Variants in AK5 observed in about 807,000 individuals in gnomAD.
The protein encoded by AK5 is adenylate kinase isoenzyme 5.
In AK5, 27 loss-of-function variants were observed where a neutral mutation model predicts 69.5. The ratio of observed to expected loss-of-function variants is 0.39; its 90% CI spans 0.29 to 0.54. The LOEUF (loss-of-function observed/expected upper bound fraction) is 0.54. Ranked by LOEUF, AK5 falls within the 20% of genes least tolerant of loss-of-function variation. AK5 has a pLI of 0.71. For missense variants in AK5, 531 were observed against 700.4 expected (o/e 0.76, Z 2.73); for synonymous variants, 260 against 244.4 (o/e 1.06, Z -0.60).
chr1:77,443,701 G>A (rs1652480035), intron 8 of AK5, among the ~76,000 whole-genome samples: 1 of 151,352 alleles, frequency 6.6e-6, no homozygotes, highest in Admixed American at 6.6e-5. Context: ...GTGTGTGTGT[G>A]TGTGTGTGTG....
intron 8 of AK5, among the ~76,000 whole-genome samples, chr1:77,454,004 G>C (rs1343944533): frequency 6.6e-6 from 1 of 152,094 alleles, no homozygotes; most frequent in Non-Finnish European, 1.5e-5. Flanking sequence ...AGACTCACCT[G>C]GTCCAAAAAG....
At chr1:77,385,448 T>C (rs1466794408) in intron 6 of AK5, among the ~76,000 whole-genome samples, 1 of 152,156 alleles carries the variant, frequency 6.6e-6, no homozygotes, top group Non-Finnish European at 1.5e-5. Flanking sequence ...CTTGAGCCAC[T>C]GCGCCCGGCC....
chr1:77,436,022 C>A (rs544429554), intron 8 of AK5, among the ~76,000 whole-genome samples: 1 of 152,254 alleles, frequency 6.6e-6, no homozygotes, highest in South Asian at 2.1e-4. Flanking sequence ...TTTAAAATAA[C>A]AAGTCACCTT....
At chr1:77,476,643 G>T (rs1256375249) in intron 8 of AK5, among the ~76,000 whole-genome samples, 1 of 152,078 alleles carries the variant, frequency 6.6e-6, no homozygotes, top group East Asian at 1.9e-4. Flanking sequence ...ACGCCAGCCG[G>T]GTCAGCCGGA....
In AK5 at chr1:77,379,114, G is replaced by A. The variant is rs566906983; in HGVS notation, c.892-31867G>A. On this transcript the variant is annotated intron_variant, in intron 6 of 13. Coordinates refer to ENST00000354567, the MANE Select transcript of AK5 (RefSeq NM_174858.3). ...TGTTCTTTGATCTTTGTGGGTCTGG[G>A]GTGATCCAGCATGAGAGGAACCAGC... is the stretch of plus-strand genomic sequence containing the variant. Among the ~76,000 whole-genome samples the A allele has an allele frequency of 1.2e-4, 19 of 152,272 alleles. No individual in the cohort carries two copies. In the South Asian group the frequency reaches 3.9e-3, roughly 32 times the overall value.
intron 12 of AK5, among the ~76,000 whole-genome samples, chr1:77,529,334 GT>G (rs935476152): frequency 0.012 from 1,713 of 137,980 alleles, 31 homozygotes; most frequent in African/African-American, 0.04. Flanking sequence ...CGTTTTATAG[GT>G]TTTTTTTTTT....
chr1:77,385,260 C>T (rs1262681329), intron 6 of AK5, among the ~76,000 whole-genome samples: 3 of 151,980 alleles, frequency 2.0e-5, no homozygotes, highest in Non-Finnish European at 2.9e-5. Flanking sequence ...CCCGGGTTCA[C>T]GCCATTCTCC....
At chr1:77,553,449 G>T (rs1659914205) in intron 13 of AK5, among the ~76,000 whole-genome samples, 1 of 152,246 alleles carries the variant, frequency 6.6e-6, no homozygotes, top group Admixed American at 6.5e-5. Context: ...CCTCAATTAG[G>T]TAGTGATATT....
chr1:77,403,238 C>T (rs1352422968), intron 6 of AK5, among the ~76,000 whole-genome samples: 3 of 152,136 alleles, frequency 2.0e-5, no homozygotes, highest in South Asian at 4.1e-4. Flanking sequence ...TTCTCCCATT[C>T]TGTAGGTTGC....
At chr1:77,458,112 A>C (rs1367158132) in intron 8 of AK5, among the ~76,000 whole-genome samples, 1 of 151,856 alleles carries the variant, frequency 6.6e-6, no homozygotes, top group Non-Finnish European at 1.5e-5. Flanking sequence ...TTAAAAAAAA[A>C]AAAAAAAAAA....
intron 6 of AK5, among the ~76,000 whole-genome samples, chr1:77,346,523 G>A (rs1010061): frequency 0.065 from 9,943 of 152,214 alleles, 407 homozygotes; most frequent in Non-Finnish European, 0.085. Context: ...GGGGGATAGG[G>A]TCTGGCTGTG....
chr1:77,293,354 T>A (rs1279980147), intron 2 of AK5, among the ~76,000 whole-genome samples: 1 of 152,174 alleles, frequency 6.6e-6, no homozygotes, highest in Non-Finnish European at 1.5e-5. Context: ...GAAGGTTATG[T>A]ACTACATAAC....
intron 6 of AK5, among the ~76,000 whole-genome samples, chr1:77,393,733 A>G (rs767046302): frequency 1.3e-5 from 2 of 152,144 alleles, no homozygotes; most frequent in Non-Finnish European, 2.9e-5. Flanking sequence ...CTAGACGAGG[A>G]AAGAAGCTTA....
chr1:77,498,635 T>A (rs1211158021), intron 10 of AK5, among the ~76,000 whole-genome samples: 1 of 152,120 alleles, frequency 6.6e-6, no homozygotes, highest in East Asian at 1.9e-4. Flanking sequence ...TGAAATGAGT[T>A]AGCACATGCA....
At chr1:77,549,758 T>C (rs1659728862) in intron 13 of AK5, among the ~76,000 whole-genome samples, 1 of 152,202 alleles carries the variant, frequency 6.6e-6, no homozygotes, top group African/African-American at 2.4e-5. Flanking sequence ...ATACATGTTG[T>C]TGCAAATGAC....
At chr1:77,370,604 C>G (rs1214852410) in intron 6 of AK5, among the ~76,000 whole-genome samples, 1 of 152,038 alleles carries the variant, frequency 6.6e-6, no homozygotes, top group Non-Finnish European at 1.5e-5. Flanking sequence ...TCAAAGGGGA[C>G]AGTGGATAGA....
chr1:77,489,490 T>G (rs1655839377), intron 10 of AK5, among the ~76,000 whole-genome samples: 1 of 152,222 alleles, frequency 6.6e-6, no homozygotes, highest in South Asian at 2.1e-4. Flanking sequence ...TTGGGACTGC[T>G]TTATTGTAAG....
intron 10 of AK5, 21 bp downstream of exon 10, chr1:77,486,373 T>A: frequency 6.4e-7 from 1 of 1,553,798 alleles, no homozygotes; most frequent in Non-Finnish European, 8.8e-7. Flanking sequence ...GCCCTTGCAT[T>A]TTCTAACAAT....
In AK5 at chr1:77,311,410, C is replaced by T. The variant is rs77398432; in HGVS notation, c.699+13463C>T. Among the ~76,000 whole-genome samples, 1,173 of 152,194 alleles carry T rather than the reference C, an allele frequency of 7.7e-3. 23 individuals are homozygous for T. The highest frequency in any genetic ancestry group is 0.027 in the African/African-American group (1,116 of 41,468). On this transcript the variant is annotated intron_variant, in intron 5 of 13. Coordinates refer to ENST00000354567, the MANE Select transcript of AK5 (RefSeq NM_174858.3). ...ATCAGCGAAGTATAGTAGTTTGACTCTCATTCAATGTGTACTACTGGCTAA... is the reference window on the plus strand; with the variant it reads ...ATCAGCGAAGTATAGTAGTTTGACTTTCATTCAATGTGTACTACTGGCTAA...
Sources: allele counts gnomAD v4.1 joint callset (sites outside exome capture counted in the v4.1 genomes callset), GRCh38; gene constraint gnomAD v4.1.1; transcripts MANE v1.5; gene names NCBI Gene and HGNC (gene_info 2026-07-23, HGNC 2026-07-21).